The following PRCC variants were observed in gnomAD, a reference collection of about 807,000 sequenced individuals.
PRCC encodes proline rich mitotic checkpoint control factor.
A neutral mutation model predicts 44.0 loss-of-function variants in PRCC; 10 were observed. The observed-to-expected ratio is 0.23, with a 90% CI of 0.14 to 0.39. The LOEUF is 0.39. Ranked by LOEUF, PRCC falls within the 10% of genes least tolerant of loss-of-function variation. The probability of loss-of-function intolerance (pLI) is 1.00; values close to 1 mark genes in which losing one functional copy is unlikely to be tolerated. For synonymous variants in PRCC, 278 were observed against 259.5 expected (o/e 1.07, Z -0.69); for missense variants, 573 against 624.7 (o/e 0.92, Z 0.88).
At chr1:156,769,731 C>T (rs918080749) in intron 1 of PRCC, among the ~76,000 whole-genome samples, 1 of 151,706 alleles carries the variant, frequency 6.6e-6, no homozygotes, top group African/African-American at 2.4e-5. Context: ...TCTCGAGTAG[C>T]TGGGACTACA....
intron 3 of PRCC, among the ~76,000 whole-genome samples, chr1:156,789,486 A>T (rs1050034368): frequency 7.2e-5 from 11 of 152,218 alleles, no homozygotes; most frequent in Non-Finnish European, 1.3e-4. Context: ...TCTATGGCAT[A>T]GATGTCTAGA....
intron 1 of PRCC, 91 bp downstream of exon 1, chr1:156,768,330 C>T: frequency 3.1e-6 from 4 of 1,302,130 alleles, no homozygotes; most frequent in Non-Finnish European, 4.3e-6. Context: ...CTCCTTCCTA[C>T]AAACGCATCC....
chr1:156,775,140 C>T (rs1269557144), intron 1 of PRCC, among the ~76,000 whole-genome samples: 3 of 149,930 alleles, frequency 2.0e-5, no homozygotes, highest in Non-Finnish European at 3.0e-5. Context: ...CCCAGCTACT[C>T]GGGAGGCTGA....
intron 3 of PRCC, among the ~76,000 whole-genome samples, chr1:156,789,622 T>TA (rs1386894503): frequency 2.6e-5 from 4 of 152,016 alleles, no homozygotes; most frequent in Non-Finnish European, 5.9e-5. Context: ...ATAAAGAGAA[T>TA]AAAAAAATTA....
chr1:156,775,630 C>T (rs921264165), intron 1 of PRCC, among the ~76,000 whole-genome samples: 2 of 151,922 alleles, frequency 1.3e-5, no homozygotes, highest in Non-Finnish European at 2.9e-5. Flanking sequence ...CCTGCCTCAG[C>T]CTCCCGAGTA....
intron 6 of PRCC, among the ~76,000 whole-genome samples, chr1:156,797,557 C>T (rs1652701211): frequency 6.6e-6 from 1 of 152,130 alleles, no homozygotes; most frequent in East Asian, 1.9e-4. Context: ...GATTCAGGTG[C>T]AGGTGCTTAG....
intron 3 of PRCC, chr1:156,791,480 C>T (rs1196527333): frequency 1.7e-6 from 1 of 572,772 alleles, no homozygotes; most frequent in African/African-American, 1.9e-5. Context: ...ATCCATCTGT[C>T]TGGATAGTGT....
At position 156,787,448 on chromosome 1, in the gene PRCC, TTG is replaced by T. The variant is rs1397225360; in HGVS notation, c.1083+275_1083+276del. On this transcript the variant is annotated intron_variant, in intron 3 of 6. Transcript: ENST00000271526. ...CCATAATATTTGTACATATTTGTGA[TTG>T]ATATATATATATATATATATATATA... Among the ~76,000 whole-genome samples the T allele has an allele frequency of 3.3e-3, 231 of 69,776 alleles. 3 individuals carry two copies. The highest frequency in any genetic ancestry group is 5.8e-3 in the African/African-American group (136 of 23,390). 45.8% of individuals were successfully genotyped at this position (69,776 alleles called of 152,430 possible).
At chr1:156,776,247 G>T (rs1200908367) in intron 1 of PRCC, among the ~76,000 whole-genome samples, 1 of 152,194 alleles carries the variant, frequency 6.6e-6, no homozygotes, top group Non-Finnish European at 1.5e-5. Flanking sequence ...GCAAGTGCCT[G>T]TAGTCCCAGC....
In PRCC at chr1:156,767,829, G is replaced by C. The variant is rs201238070; in HGVS notation, c.58G>C (p.Glu20Gln). The change falls in exon 1 of 7, where the codon GAG (glutamate) becomes CAG (glutamine). Residue 20 changes from glutamate (E) to glutamine (Q), a missense_variant. By Grantham distance (29) the Glu-to-Gln change is conservative. Around this residue, in one of 4 missense-constraint regions of PRCC, gnomAD observed 245 missense variants for 188.5 expected, o/e 1.30. Coordinates refer to ENST00000271526, the MANE Select transcript of PRCC (RefSeq NM_005973.5). ...GAGCGAGCCGGATGAGGCTGAGCCC[G>C]AGCCGGAGGAAGAGGAGGCGGTGGC... ...DESEPDEAEPEPEEEEAVAPT... is the reference protein window; with the variant it reads ...DESEPDEAEPQPEEEEAVAPT... The C allele has an allele frequency of 4.1e-5, 66 of 1,610,586 alleles. No individual in the cohort carries two copies. Among genetic ancestry groups the C allele is most frequent in the Non-Finnish European group, 5.4e-5 (64 of 1,179,176 alleles).
rs767594411 is a variant in PRCC at position 156,768,060 on chromosome 1, A to C, written c.289A>C (p.Ser97Arg). The C allele has an allele frequency of 1.1e-5, 17 of 1,590,414 alleles. No homozygotes were observed. Among genetic ancestry groups the C allele is most frequent in the Non-Finnish European group, 1.5e-5 (17 of 1,167,844 alleles). ...LGGFPPPPGV[S>R]PAEAAGVGEG... ...AGGCTTCCCCCCACCTCCAGGCGTG[A>C]GCCCGGCTGAAGCGGCGGGAGTTGG... is the stretch of plus-strand genomic sequence containing the variant. The change falls in exon 1 of 7, where the codon AGC becomes CGC. Residue 97 changes from serine to arginine, a missense_variant. Coordinates refer to ENST00000271526, the MANE Select transcript of PRCC (RefSeq NM_005973.5).
intron 6 of PRCC, 109 bp downstream of exon 6, chr1:156,797,450 CTT>C (rs1388610489): frequency 1.5e-6 from 2 of 1,299,158 alleles, no homozygotes; most frequent in Non-Finnish European, 2.2e-6. Context: ...AGCAGCCCAT[CTT>C]TTAGCAGGCA....
chr1:156,774,971 G>A (rs1240892494), intron 1 of PRCC, among the ~76,000 whole-genome samples: 22 of 151,054 alleles, frequency 1.5e-4, no homozygotes, highest in African/African-American at 3.9e-4. Context: ...AAAAAAGGCC[G>A]GGTGCAGTGG....
At position 156,767,710 on chromosome 1, in the gene PRCC, G is replaced by T. The variant is rs1310053487; in HGVS notation, c.-62G>T. Reference sequence around the variant, plus strand: ...GTGGCGGGGCCTACTAGGCCTCCGGGCATCCCCGGTCTCAAGTAGGCCTCA... The same window carrying T: ...GTGGCGGGGCCTACTAGGCCTCCGGTCATCCCCGGTCTCAAGTAGGCCTCA... On this transcript the variant is annotated 5_prime_UTR_variant, in exon 1 of 7. Coordinates refer to ENST00000271526, the MANE Select transcript of PRCC (RefSeq NM_005973.5). The T allele has an allele frequency of 2.0e-6, 3 of 1,486,054 alleles. No homozygotes were observed. Among genetic ancestry groups the T allele is most frequent in the Non-Finnish European group, 1.8e-6 (2 of 1,112,364 alleles). The allele number at this position is 1,486,054 out of a possible 1,614,324, so 92.1% of individuals were successfully genotyped here. A position where few individuals can be genotyped will look rare whatever the true frequency, so the allele number is the denominator to read the frequency against.
intron 2 of PRCC, among the ~76,000 whole-genome samples, 179 bp downstream of exon 2, chr1:156,782,508 C>G (rs905913998): frequency 1.3e-5 from 2 of 152,162 alleles, no homozygotes; most frequent in Non-Finnish European, 2.9e-5. Flanking sequence ...TCTACCCTCT[C>G]CACTCTATTC....
At position 156,797,299 on chromosome 1, in the gene PRCC, C is replaced by T; in HGVS notation, c.1347C>T (p.Gly449=). Residue 449 remains glycine (G), a synonymous_variant, in exon 6 of 7, where the codon GGC becomes GGT. Coordinates refer to ENST00000271526, the MANE Select transcript of PRCC (RefSeq NM_005973.5). ...AGAAGAAAGGTGAGCAGCCAACAGG[C>T]CAGCAGCGGCGGAAACACCAGATCA... ...FSKKKGEQPT[G]QQRRKHQITY... is the part of the protein sequence containing the mutation. 1 of 1,614,172 alleles carries T rather than the reference C, an allele frequency of 6.2e-7. No homozygotes were observed. The highest frequency in any genetic ancestry group is 1.3e-5 in the African/African-American group (1 of 75,042).
chr1:156,798,174 G>T (rs757687015), intron 6 of PRCC, among the ~76,000 whole-genome samples: 12 of 152,124 alleles, frequency 7.9e-5, no homozygotes, highest in Non-Finnish European at 1.8e-4. Flanking sequence ...TATAATTTTC[G>T]ATTCCCCTAA....
At position 156,791,734 on chromosome 1, in the gene PRCC, C is replaced by T. The variant is rs768993732; in HGVS notation, c.1121C>T (p.Pro374Leu). Residue 374 changes from proline to leucine, a missense_variant, in exon 4 of 7, where the codon CCG becomes CTG. Pro to Leu is a moderately conservative substitution (Grantham distance 98). This residue lies in a region of PRCC where 141 missense variants were observed against 130.2 expected (regional missense o/e 1.08). Transcript: ENST00000271526. Reference protein sequence around the residue: ...YSGGYYPAQDPALVPPQEIAP... With the variant: ...YSGGYYPAQDLALVPPQEIAP... Reference sequence around the variant, plus strand: ...GGTGGCTACTATCCTGCACAGGACCCGGCCCTGGTCCCCCCCCAGGAAATT... The same window carrying T: ...GGTGGCTACTATCCTGCACAGGACCTGGCCCTGGTCCCCCCCCAGGAAATT... 1.3e-5 allele frequency: 21 copies of T among 1,613,936 alleles called. No individual in the cohort carries two copies. The highest frequency in any genetic ancestry group is 4.4e-5 in the South Asian group (4 of 91,052).
chr1:156,779,310 C>T (rs1651961586), intron 1 of PRCC, among the ~76,000 whole-genome samples: 2 of 149,774 alleles, frequency 1.3e-5, no homozygotes, highest in African/African-American at 4.9e-5. Flanking sequence ...GTGCCACCAC[C>T]ATGCCCAGCT....
Sources: gnomAD v4.1 joint callset for allele counts (sites outside exome capture counted in the v4.1 genomes callset) on GRCh38, gnomAD v4.1.1 for gene constraint, gnomAD v4.1.1 regional missense constraint, MANE v1.5 for transcripts, NCBI Gene and HGNC (gene_info 2026-07-23, HGNC 2026-07-21) for gene names.